Variants in FSTL4 observed in about 807,000 individuals in gnomAD.
FSTL4 encodes follistatin like 4.
FSTL4 carries 28 observed loss-of-function variants against 78.2 expected under a neutral mutation model. The observed-to-expected ratio is 0.36, with a 90% confidence interval of 0.27 to 0.49. The LOEUF (loss-of-function observed/expected upper bound fraction) is 0.49, where lower values mean the gene tolerates loss of function less well. Among genes scored for constraint, FSTL4 ranks in the 20% least tolerant of loss-of-function variants. FSTL4 has a pLI of 0.98. For synonymous variants in FSTL4, 422 were observed against 440.5 expected, an observed-to-expected ratio of 0.96 and a Z score of 0.53; for missense variants, 922 against 1,084.9, an observed-to-expected ratio of 0.85 and a Z score of 2.11.
rs1345433524 is a variant in FSTL4, at chr5:133,611,920, C to T, written c.-11+405G>A. Among the ~76,000 whole-genome samples, 1 of 152,014 alleles carries T rather than the reference C, an allele frequency of 6.6e-6. No homozygotes were observed. The highest frequency in any genetic ancestry group is 2.4e-5 in the African/African-American group (1 of 41,404). On this transcript the variant is annotated intron_variant, in intron 1 of 15. Coordinates refer to ENST00000265342, the MANE Select transcript of FSTL4 (RefSeq NM_015082.2). This position sits in a 1 kb window ranked among gnomAD's most constrained non-coding sequence, Gnocchi z 4.9. ...CGCGCTCGCCTGGCTCCGCCGGGGC[C>T]GCTCGGGGTCCTGAACCCAAGAACG...
intron 3 of FSTL4, among the ~76,000 whole-genome samples, chr5:133,471,874 T>C (rs182945964): frequency 1.5e-3 from 235 of 152,326 alleles, no homozygotes; most frequent in African/African-American, 5.4e-3. Context: ...CACTACACTT[T>C]TCATCCCCCT....
chr5:133,333,675 T>C (rs373574919), intron 4 of FSTL4, among the ~76,000 whole-genome samples: 3 of 152,232 alleles, frequency 2.0e-5, no homozygotes, highest in African/African-American at 7.2e-5. Flanking sequence ...AGGAATGACC[T>C]GTAGCCGATT....
At chr5:133,579,587 G>A (rs972838211) in intron 2 of FSTL4, among the ~76,000 whole-genome samples, 1 of 152,108 alleles carries the variant, frequency 6.6e-6, no homozygotes, top group Non-Finnish European at 1.5e-5. Flanking sequence ...GAGAGGAAAG[G>A]GGGAAGGAGT....
the FSTL4 span, among the ~76,000 whole-genome samples, chr5:133,769,619 G>C: frequency 6.6e-6 from 1 of 152,100 alleles, no homozygotes; most frequent in Non-Finnish European, 1.5e-5. Context: ...ACCTTCTGTG[G>C]GGTTATAGAT....
the FSTL4 span, among the ~76,000 whole-genome samples, chr5:133,680,757 G>C: frequency 6.6e-6 from 1 of 152,190 alleles, no homozygotes; most frequent in Admixed American, 6.5e-5. Flanking sequence ...CAGTTATCTG[G>C]TTACAGCAGA....
the FSTL4 span, among the ~76,000 whole-genome samples, chr5:133,654,198 G>A: frequency 3.3e-5 from 5 of 152,158 alleles, no homozygotes; most frequent in African/African-American, 9.7e-5. Flanking sequence ...ATGAGCAAAC[G>A]GTGAAACCAG....
chr5:133,260,457 C>T (rs57670814), intron 6 of FSTL4, among the ~76,000 whole-genome samples: 13,593 of 152,252 alleles, frequency 0.089, 1,995 homozygotes, highest in African/African-American at 0.3. Context: ...ATTTCCTGAG[C>T]GTGCCACAGT....
chr5:133,417,843 C>A (rs1356003071), intron 3 of FSTL4, among the ~76,000 whole-genome samples: 1 of 151,556 alleles, frequency 6.6e-6, no homozygotes, highest in Admixed American at 6.6e-5. Flanking sequence ...ACTGTAATCC[C>A]AGCTACTAGG....
the FSTL4 span, among the ~76,000 whole-genome samples, chr5:133,791,408 T>C: frequency 6.6e-6 from 1 of 152,226 alleles, no homozygotes; most frequent in African/African-American, 2.4e-5. Flanking sequence ...TTGTTTATTG[T>C]CTGCTTCCCC....
At chr5:133,553,059 C>G (rs865885281) in intron 3 of FSTL4, among the ~76,000 whole-genome samples, 1 of 152,158 alleles carries the variant, frequency 6.6e-6, no homozygotes, top group Non-Finnish European at 1.5e-5. Flanking sequence ...GCTACTTAGT[C>G]TCTTGCCATC....
chr5:133,283,853 G>A (rs147570901), intron 6 of FSTL4, among the ~76,000 whole-genome samples: 2,467 of 152,284 alleles, frequency 0.016, 26 homozygotes, highest in South Asian at 0.03. Flanking sequence ...AAGCATGGCT[G>A]GGAGGCCTCA....
At chr5:133,488,005 T>C (rs1758172319) in intron 3 of FSTL4, among the ~76,000 whole-genome samples, 1 of 152,130 alleles carries the variant, frequency 6.6e-6, no homozygotes, top group South Asian at 2.1e-4. Flanking sequence ...CTTTTGCAGA[T>C]GGGAAAACTG....
chr5:133,450,364 G>A (rs770376704), intron 3 of FSTL4, among the ~76,000 whole-genome samples: 9 of 152,324 alleles, frequency 5.9e-5, no homozygotes, highest in Middle Eastern at 3.4e-3. Context: ...CTCAGGAGCT[G>A]GGAGGCTCAG....
chr5:133,490,319 G>A (rs1309846699), intron 3 of FSTL4, among the ~76,000 whole-genome samples: 1 of 151,626 alleles, frequency 6.6e-6, no homozygotes, highest in Non-Finnish European at 1.5e-5. Context: ...AACAGTCTCT[G>A]GCACATAAGC....
chr5:133,229,284 G>A (rs1030860671), intron 8 of FSTL4, among the ~76,000 whole-genome samples: 5 of 152,236 alleles, frequency 3.3e-5, no homozygotes, highest in Non-Finnish European at 7.3e-5. Context: ...CACTTTGGGA[G>A]GCTGAGGTGG....
At chr5:133,444,515 T>C (rs987590883) in intron 3 of FSTL4, among the ~76,000 whole-genome samples, 3 of 152,230 alleles carry the variant, frequency 2.0e-5, no homozygotes, top group Non-Finnish European at 2.9e-5. Context: ...AAAAAAGGTC[T>C]GTTATGTCTT....
At chr5:133,788,752 T>C in the FSTL4 span, among the ~76,000 whole-genome samples, 1 of 152,240 alleles carries the variant, frequency 6.6e-6, no homozygotes, top group Admixed American at 6.5e-5. Flanking sequence ...ACGGTTTTTG[T>C]TAAACCTTTA....
At chr5:133,583,172 CCCACT>C in intron 2 of FSTL4, 1 of 441,382 alleles carries the variant, frequency 2.3e-6, no homozygotes, top group Non-Finnish European at 4.5e-6. Flanking sequence ...CCAGCACATT[CCCACT>C]GGGTTTCCTG....
the FSTL4 span, among the ~76,000 whole-genome samples, chr5:133,834,274 C>T: frequency 6.6e-6 from 1 of 151,952 alleles, no homozygotes; most frequent in Non-Finnish European, 1.5e-5. Flanking sequence ...AACATGGGCA[C>T]CCCCTTTGAC....
Sources: allele counts gnomAD v4.1 joint callset (sites outside exome capture counted in the v4.1 genomes callset), GRCh38; gene constraint gnomAD v4.1.1; non-coding constraint Gnocchi (gnomAD v3.1); transcripts MANE v1.5; gene names NCBI Gene and HGNC (gene_info 2026-07-23, HGNC 2026-07-21).